The following ATP8A1 variants were observed in gnomAD, a reference collection of about 807,000 sequenced individuals.
The protein encoded by ATP8A1 is ATPase phospholipid transporting 8A1, also known as phospholipid-transporting ATPase IA.
A neutral mutation model predicts 177.7 loss-of-function variants in ATP8A1; 90 were observed. The observed-to-expected ratio is 0.51, with a 90% CI of 0.43 to 0.60. The LOEUF (loss-of-function observed/expected upper bound fraction) is 0.60. Among genes scored for constraint, ATP8A1 ranks in the 20% least tolerant of loss-of-function variants. The pLI is 0.00. For missense variants in ATP8A1, 1,072 were observed against 1,392.8 expected (o/e 0.77, Z 3.67); for synonymous variants, 493 against 485.9 (o/e 1.01, Z -0.19).
intron 35 of ATP8A1, among the ~76,000 whole-genome samples, chr4:42,420,436 T>C (rs1283223819): frequency 6.6e-6 from 1 of 152,234 alleles, no homozygotes; most frequent in Non-Finnish European, 1.5e-5. Context: ...ATGCATTTCC[T>C]ATGGAGAAGT....
intron 22 of ATP8A1, among the ~76,000 whole-genome samples, chr4:42,515,520 T>A (rs1212332680): frequency 1.3e-5 from 2 of 152,218 alleles, no homozygotes; most frequent in African/African-American, 4.8e-5. Context: ...ATGGTTGATC[T>A]ATATTACGCC....
rs1577658356 is a variant in ATP8A1, at chr4:42,590,737, TTTGG to T, written c.524+70_524+73del. 2.2e-6 allele frequency: 3 copies of T among 1,366,694 alleles called. No homozygotes were observed. In the East Asian group the frequency reaches 6.9e-5, roughly 31 times the overall value. 84.7% of individuals were successfully genotyped at this position (1,366,694 alleles called of 1,614,324 possible). On this transcript the variant is annotated intron_variant, in intron 7 of 36. Coordinates refer to ENST00000381668, the MANE Select transcript of ATP8A1 (RefSeq NM_006095.2). ...GGAAGAGACACAGAACTCAACCATA[TTTGG>T]GTGCAACTGTTCTCCGGTTTACGGT...
chr4:42,446,981 TGA>T (rs1186639491), intron 30 of ATP8A1, among the ~76,000 whole-genome samples: 1 of 152,110 alleles, frequency 6.6e-6, no homozygotes, highest in Non-Finnish European at 1.5e-5. Flanking sequence ...ACAATATGGA[TGA>T]GAGTCATAGG....
chr4:42,414,857 A>G lies in ATP8A1; in HGVS notation c.3306-139T>C. On this transcript the variant is annotated intron_variant, in intron 35 of 36. Coordinates refer to ENST00000381668, the MANE Select transcript of ATP8A1 (RefSeq NM_006095.2). ...CGTAGCCTAGTGATTCTTTTTACAC[A>G]TTTTCTCAGATAGCGAATGAAATTT... 4.6e-6 allele frequency: 3 copies of G among 656,804 alleles called. 1 individual carries two copies. In the South Asian group the frequency reaches 5.3e-5, roughly 12 times the overall value. The allele number at this position is 656,804 out of a possible 1,614,324, so 40.7% of individuals were successfully genotyped here.
intron 22 of ATP8A1, among the ~76,000 whole-genome samples, chr4:42,510,329 A>G (rs2153195219): frequency 6.6e-6 from 1 of 152,318 alleles, no homozygotes; most frequent in East Asian, 1.9e-4. Flanking sequence ...CAAGAAGTTC[A>G]AGCAAGGAAA....
At chr4:42,578,975 A>G (rs1732746988) in intron 11 of ATP8A1, among the ~76,000 whole-genome samples, 1 of 152,136 alleles carries the variant, frequency 6.6e-6, no homozygotes, top group African/African-American at 2.4e-5. Flanking sequence ...ATCAGTAACT[A>G]TAAAAACAAC....
Position 42,590,869 on chromosome 4 carries a change from T to C in ATP8A1, c.466A>G (p.Ile156Val). The stretch of plus-strand genomic sequence containing the variant: ...TGTTCCCCATTGGTCACTTTCACTA[T>C]CTCCCCTACTGCCACCTACACGTCC... Reference protein sequence around the residue: ...VHWEKVAVGEIVKVTNGEHLP... With the variant: ...VHWEKVAVGEVVKVTNGEHLP... The change falls in exon 7 of 37, where the codon ATA (isoleucine) becomes GTA (valine). Residue 156 changes from isoleucine to valine, a missense_variant. Physicochemically the swap from Ile to Val is conservative, Grantham distance 29. Transcript: ENST00000381668. 6.2e-7 allele frequency: 1 copy of C among 1,609,666 alleles called. No homozygotes were observed. The highest frequency in any genetic ancestry group is 8.5e-7 in the Non-Finnish European group (1 of 1,179,328).
chr4:42,425,451 T>A (rs916970666), intron 33 of ATP8A1, among the ~76,000 whole-genome samples: 4 of 152,238 alleles, frequency 2.6e-5, no homozygotes, highest in Middle Eastern at 3.4e-3. Flanking sequence ...CTGCGTCATA[T>A]CTGAAAGCCT....
intron 25 of ATP8A1, among the ~76,000 whole-genome samples, chr4:42,469,106 A>G (rs751234354): frequency 2.6e-5 from 4 of 152,136 alleles, no homozygotes; most frequent in Non-Finnish European, 5.9e-5. Flanking sequence ...GATTCCTTTT[A>G]CCCCAGTTTA....
chr4:42,484,484 A>G (rs1722004205), intron 25 of ATP8A1, among the ~76,000 whole-genome samples: 1 of 152,216 alleles, frequency 6.6e-6, no homozygotes, highest in Non-Finnish European at 1.5e-5. Context: ...TATATTTCAG[A>G]AAGTATGTCT....
chr4:42,641,637 C>T (rs1304734452), intron 1 of ATP8A1, among the ~76,000 whole-genome samples: 3 of 152,092 alleles, frequency 2.0e-5, no homozygotes, highest in African/African-American at 4.8e-5. Flanking sequence ...GGATAGTTAA[C>T]CCCATTGACT....
chr4:42,468,870 T>C (rs972716821), intron 25 of ATP8A1, among the ~76,000 whole-genome samples: 16 of 152,146 alleles, frequency 1.1e-4, no homozygotes, highest in African/African-American at 2.9e-4. Flanking sequence ...GAAACATCAG[T>C]TGGTTGCTAA....
intron 15 of ATP8A1, among the ~76,000 whole-genome samples, chr4:42,566,016 A>G (rs528886849): frequency 2.0e-5 from 3 of 152,310 alleles, no homozygotes; most frequent in African/African-American, 7.2e-5. Context: ...AATCTGCAGT[A>G]GGTAGCTACT....
At position 42,482,239 on chromosome 4, in the gene ATP8A1, T is replaced by C. The variant is rs577768028; in HGVS notation, c.2324+3257A>G. 2.0e-4 allele frequency among the ~76,000 whole-genome samples: 31 copies of C among 151,688 alleles called. No homozygotes were observed. The South Asian group carries it at 2.7e-3, about 13-fold the overall frequency. ...ATCGCTTGAACCCAGGAGGTGGGGG[T>C]TGCAGTGAGCTGAGATCGCGCCACT... On this transcript the variant is annotated intron_variant, in intron 25 of 36. Coordinates refer to ENST00000381668, the MANE Select transcript of ATP8A1 (RefSeq NM_006095.2).
chr4:42,655,619 A>G (rs1741536045), intron 1 of ATP8A1, among the ~76,000 whole-genome samples: 1 of 152,222 alleles, frequency 6.6e-6, no homozygotes, highest in African/African-American at 2.4e-5. Flanking sequence ...ATTACAAATG[A>G]CAGCATGTAC....
intron 25 of ATP8A1, among the ~76,000 whole-genome samples, chr4:42,477,916 G>A (rs1178086139): frequency 6.6e-6 from 1 of 151,988 alleles, no homozygotes; most frequent in African/African-American, 2.4e-5. Flanking sequence ...CTTGGAGGTC[G>A]AAGCTTCGGT....
At chr4:42,589,534 A>G (rs1158509475) in intron 7 of ATP8A1, among the ~76,000 whole-genome samples, 3 of 152,214 alleles carry the variant, frequency 2.0e-5, no homozygotes, top group African/African-American at 7.2e-5. Context: ...TTCATTTTAA[A>G]GTAGCTCTGC....
At chr4:42,523,433 C>A (rs1251234594) in intron 21 of ATP8A1, among the ~76,000 whole-genome samples, 1 of 152,164 alleles carries the variant, frequency 6.6e-6, no homozygotes, top group Non-Finnish European at 1.5e-5. Flanking sequence ...AAGTAAGAAG[C>A]AAGGAACATA....
chr4:42,508,135 A>T (rs557883132), intron 22 of ATP8A1, among the ~76,000 whole-genome samples: 23 of 152,138 alleles, frequency 1.5e-4, no homozygotes, highest in Non-Finnish European at 3.1e-4. Context: ...TATTATTTTT[A>T]TTATTTATTT....
Sources: gnomAD v4.1 joint callset for allele counts (sites outside exome capture counted in the v4.1 genomes callset) on GRCh38, gnomAD v4.1.1 for gene constraint, MANE v1.5 for transcripts, NCBI Gene and HGNC (gene_info 2026-07-23, HGNC 2026-07-21) for gene names.